Variants in CYP2A7 observed in about 807,000 individuals in gnomAD.
CYP2A7 encodes the protein cytochrome P450 family 2 subfamily A member 7.
In CYP2A7, 36 loss-of-function variants were observed where a neutral mutation model predicts 42.0. That is an observed-to-expected ratio of 0.86 (90% CI 0.66 to 1.13). The LOEUF (loss-of-function observed/expected upper bound fraction) is 1.13. Among genes scored for constraint, CYP2A7 ranks in the 50% most tolerant of loss-of-function variants. The pLI, the probability that CYP2A7 is intolerant of heterozygous loss-of-function variation, is 0.00. For synonymous variants in CYP2A7, 260 were observed against 249.5 expected (o/e 1.04, Z -0.40); for missense variants, 661 against 634.1 (o/e 1.04, Z -0.46).
chr19:40,876,232 A>T (rs1203712299), intron 8 of CYP2A7: 1 of 602,922 alleles, frequency 1.7e-6, no homozygotes, highest in Non-Finnish European at 2.9e-6. Context: ...TTCTTGCCAG[A>T]TACACTTGCA....
Position 40,878,800 on chromosome 19 carries a change from G to A in CYP2A7, c.791C>T (p.Pro264Leu), listed in dbSNP as rs1967594287. The A allele has an allele frequency of 6.2e-7, 1 of 1,611,480 alleles. No homozygotes were observed. The highest frequency in any genetic ancestry group is 1.7e-5 in the Admixed American group (1 of 59,836). ...HNQRTLDPNS[P>L]QDFIDSFLIH... is the part of the protein sequence containing the mutation. ...GAGAAAGGAGTCGATGAAGTCCTGT[G>A]GGGAATTGGGATCCAGCGTGCGCTG... is the stretch of plus-strand genomic sequence containing the variant. The change falls in exon 5 of 9, where the codon CCA becomes CTA. Residue 264 changes from proline (P) to leucine (L), a missense_variant. Physicochemically the swap from Pro to Leu is moderately conservative, Grantham distance 98. Coordinates refer to ENST00000301146, the MANE Select transcript of CYP2A7 (RefSeq NM_000764.3).
chr19:40,876,802 A>T lies in CYP2A7; in HGVS notation c.1162-134T>A, dbSNP rs574144390. 115 of 1,240,186 alleles carry T rather than the reference A, an allele frequency of 9.3e-5. 1 individual carries two copies. Among genetic ancestry groups the T allele is most frequent in the Middle Eastern group, 5.7e-4 (2 of 3,498 alleles). 76.8% of individuals were successfully genotyped at this position (1,240,186 alleles called of 1,614,324 possible). A position where few individuals can be genotyped will look rare whatever the true frequency, so the allele number is the denominator to read the frequency against. On this transcript the variant is annotated intron_variant, in intron 7 of 8. Coordinates refer to ENST00000301146, the MANE Select transcript of CYP2A7 (RefSeq NM_000764.3). The stretch of plus-strand genomic sequence containing the variant: ...GCATGGAGGAGTTGGGGTCCTGTGA[A>T]GGAGGAGCTTTGGGGAATAGAAGGT...
At chr19:40,880,922 G>A (rs1440664000) in intron 2 of CYP2A7, among the ~76,000 whole-genome samples, 2 of 150,680 alleles carry the variant, frequency 1.3e-5, no homozygotes, top group Admixed American at 6.6e-5. Context: ...GAGATGCGCA[G>A]AGAAACAGAG....
intron 2 of CYP2A7, 112 bp downstream of exon 2, chr19:40,881,477 A>T: frequency 6.4e-7 from 1 of 1,553,702 alleles, no homozygotes; most frequent in Non-Finnish European, 8.7e-7. Flanking sequence ...ATAAGACCAG[A>T]CCGGGGGTTC....
chr19:40,881,808 C>T (rs1967700104), intron 1 of CYP2A7, 57 bp from the exon 2 acceptor site: 42 of 1,595,964 alleles, frequency 2.6e-5, no homozygotes, highest in Non-Finnish European at 3.2e-5. Flanking sequence ...GAATGGGGCC[C>T]AGCACCGAGA....
At chr19:40,877,520 A>C in intron 6 of CYP2A7, 143 bp from the exon 7 acceptor site, 2 of 1,311,218 alleles carry the variant, frequency 1.5e-6, no homozygotes, top group South Asian at 1.5e-5. Context: ...GACATCGGCC[A>C]TTCGCATTGT....
Position 40,877,302 on chromosome 19 carries a change from G to A in CYP2A7, c.1049C>T (p.Pro350Leu), listed in dbSNP as rs1967557800. 1 of 1,612,668 alleles carries A rather than the reference G, an allele frequency of 6.2e-7. No individual in the cohort carries two copies. The highest frequency in any genetic ancestry group is 1.3e-5 in the African/African-American group (1 of 74,838). ...CTCGTGGATCACTGCCTCCATGTAG[G>A]GCATCTTGGTCCGGTCCTCAAACTT... ...QPKFEDRTKM[P>L]YMEAVIHEIQ... is the part of the protein sequence containing the mutation. Residue 350 changes from proline to leucine, a missense_variant, in exon 7 of 9, where the codon CCC becomes CTC. By Grantham distance (98) the Pro-to-Leu change is moderately conservative (BLOSUM62 -3). Transcript: ENST00000301146.
In CYP2A7 at chr19:40,880,012, A is replaced by T; in HGVS notation, c.654+72T>A. The T allele has an allele frequency of 1.9e-5, 30 of 1,587,086 alleles. 2 individuals are homozygous for T. Among genetic ancestry groups the T allele is most frequent in the Non-Finnish European group, 2.6e-5 (30 of 1,162,756 alleles). On this transcript the variant is annotated intron_variant, in intron 4 of 8. Coordinates refer to ENST00000301146, the MANE Select transcript of CYP2A7 (RefSeq NM_000764.3). ...CTGGAGCGGGGTGGGAGTTTGGGGC[A>T]CCTGTCTCCAGGTAGGGGAGCAGTT...
chr19:40,879,982 ACTGT>A lies in CYP2A7; in HGVS notation c.654+98_654+101del, dbSNP rs1013815972. The A allele has an allele frequency of 5.2e-5, 81 of 1,550,510 alleles. No individual in the cohort carries two copies. The African/African-American group carries it at 1.0e-3, about 20-fold the overall frequency. On this transcript the variant is annotated intron_variant, in intron 4 of 8. Transcript: ENST00000301146. Reference sequence around the variant, plus strand: ...TATCGGGGGCTGATTTTGAGGGGACACTGTCTGGAGCGGGGTGGGAGTTTGGGGC... The same window carrying A: ...TATCGGGGGCTGATTTTGAGGGGACACTGGAGCGGGGTGGGAGTTTGGGGC...
chr19:40,878,682 T>G (rs1967590803), intron 5 of CYP2A7, 78 bp downstream of exon 5: 1 of 1,571,480 alleles, frequency 6.4e-7, no homozygotes, highest in Non-Finnish European at 8.7e-7. Context: ...CGGGTCTGTG[T>G]CGTCTGCCCG....
rs757804476 is a variant in CYP2A7, at chr19:40,880,460, C to G, written c.493+19G>C. 2 of 1,608,350 alleles carry G rather than the reference C, an allele frequency of 1.2e-6. No individual in the cohort carries two copies. The highest frequency in any genetic ancestry group is 1.7e-6 in the Non-Finnish European group (2 of 1,175,610). On this transcript the variant is annotated intron_variant, in intron 3 of 8. Coordinates refer to ENST00000301146, the MANE Select transcript of CYP2A7 (RefSeq NM_000764.3). ...GTGTTTTCCTTCTCCTGCCCCCGCA[C>G]TCGGGGAACCTTACTCACCGTGCGT...
chr19:40,880,450 TG>T, intron 3 of CYP2A7, 28 bp downstream of exon 3: 1 of 1,605,974 alleles, frequency 6.2e-7, no homozygotes, highest in East Asian at 2.2e-5. Context: ...TTCCTTCTCC[TG>T]CCCCCGCACT....
chr19:40,882,219 T>G lies in CYP2A7; in HGVS notation c.-9A>C. 1 of 1,612,584 alleles carries G rather than the reference T, an allele frequency of 6.2e-7. No homozygotes were observed. The highest frequency in any genetic ancestry group is 8.5e-7 in the Non-Finnish European group (1 of 1,179,022). On this transcript the variant is annotated 5_prime_UTR_variant, in exon 1 of 9. Transcript: ENST00000301146. Reference sequence around the variant, plus strand: ...AGCCCTGAGGCCAGCATGGTGGTAGTGAGATGACAGATGGTGATGGGTGGG... The same window carrying G: ...AGCCCTGAGGCCAGCATGGTGGTAGGGAGATGACAGATGGTGATGGGTGGG...
At position 40,876,613 on chromosome 19, in the gene CYP2A7, GAGA is replaced by G. The variant is rs769816211; in HGVS notation, c.1214_1216del (p.Phe405del). ...CTGGGGATTGAAGTCCTGAGGGTTG[GAGA>G]AGAAGCTGGGGTCTCTCAGCACGGA... On this transcript the variant is annotated inframe_deletion, in exon 8 of 9. Transcript: ENST00000301146. 8.1e-6 allele frequency: 13 copies of G among 1,612,954 alleles called. No individual in the cohort carries two copies. In the East Asian group the frequency reaches 2.2e-4, roughly 28 times the overall value.
chr19:40,880,293 G>T (rs761857878), intron 3 of CYP2A7, 49 bp from the exon 4 acceptor site: 1 of 1,600,232 alleles, frequency 6.2e-7, no homozygotes, highest in African/African-American at 1.3e-5. Flanking sequence ...CAACTCAGAG[G>T]TCTGAGGAGA....
chr19:40,877,829 C>A, intron 6 of CYP2A7, 23 bp downstream of exon 6: 1 of 1,590,932 alleles, frequency 6.3e-7, no homozygotes, highest in Non-Finnish European at 8.5e-7. Context: ...GGGCCCTCCA[C>A]TTCCGTCCCC....
In CYP2A7 at chr19:40,876,437, A is replaced by T; in HGVS notation, c.1303+90T>A. On this transcript the variant is annotated intron_variant, in intron 8 of 8. Transcript: ENST00000301146. ...TAACAGGAACTTCCAAGCTGGAGAA[A>T]TACCAGGCTACACCGCAGAGAGGGG... 4 of 1,600,344 alleles carry T rather than the reference A, an allele frequency of 2.5e-6. No homozygotes were observed. The South Asian group carries it at 4.4e-5, about 18-fold the overall frequency.
intron 5 of CYP2A7, 132 bp downstream of exon 5, chr19:40,878,628 G>A (rs113986398): frequency 0.077 from 98,958 of 1,286,714 alleles, 5,007 homozygotes; most frequent in Non-Finnish European, 0.076. Flanking sequence ...TAGCCACGGC[G>A]CCCAGCCAAT....
intron 3 of CYP2A7, 40 bp downstream of exon 3, chr19:40,880,439 T>C: frequency 6.2e-7 from 1 of 1,602,450 alleles, no homozygotes; most frequent in Middle Eastern, 1.7e-4. Context: ...TCCTGGGTGT[T>C]TTCCTTCTCC....
Sources: gnomAD v4.1 joint callset for allele counts (sites outside exome capture counted in the v4.1 genomes callset) on GRCh38, gnomAD v4.1.1 for gene constraint, MANE v1.5 for transcripts, NCBI Gene and HGNC (gene_info 2026-07-23, HGNC 2026-07-21) for gene names.